The following FBXO40 variants were observed in gnomAD, a reference collection of about 807,000 sequenced individuals.
FBXO40 encodes the protein F-box only protein 40.
FBXO40 carries 50 observed loss-of-function variants against 49.9 expected under a neutral mutation model. The ratio of observed to expected loss-of-function variants is 1.00; its 90% CI spans 0.80 to 1.27. FBXO40 has a LOEUF of 1.27. Among genes scored for constraint, FBXO40 ranks in the 50% most tolerant of loss-of-function variants. FBXO40 has a pLI of 0.00. For missense variants in FBXO40, 895 were observed against 870.1 expected (o/e 1.03, Z -0.36); for synonymous variants, 340 against 320.2 (o/e 1.06, Z -0.66).
In FBXO40 at chr3:121,626,559, G is replaced by A. The variant is rs1336571572; in HGVS notation, c.1915-136G>A. 2.4e-5 allele frequency: 18 copies of A among 756,656 alleles called. No individual in the cohort carries two copies. In the South Asian group the frequency reaches 2.7e-4, roughly 11 times the overall value. The allele number at this position is 756,656 out of a possible 1,614,324, so 46.9% of individuals were successfully genotyped here. A position where few individuals can be genotyped will look rare whatever the true frequency, so the allele number is the denominator to read the frequency against. On this transcript the variant is annotated intron_variant, in intron 3 of 3. Coordinates refer to ENST00000338040, the MANE Select transcript of FBXO40 (RefSeq NM_016298.4). The stretch of plus-strand genomic sequence containing the variant: ...GATGCTGGAGGAGGGGCTACCAAAT[G>A]TCTGCAGGAGCCACTAAACACTCTG...
At position 121,601,462 on chromosome 3, in the gene FBXO40, C is replaced by A. The variant is rs545606554; in HGVS notation, c.-31+7960C>A. On this transcript the variant is annotated intron_variant, in intron 1 of 3. Coordinates refer to ENST00000338040, the MANE Select transcript of FBXO40 (RefSeq NM_016298.4). ...TTAAAGGGACATTTTCAAGTAACTT[C>A]AAGGAGCTGGAGAACAATAAGGCTG... Among the ~76,000 whole-genome samples, 11 of 152,150 alleles carry A rather than the reference C, an allele frequency of 7.2e-5. No homozygotes were observed. In the South Asian group the frequency reaches 2.3e-3, roughly 32 times the overall value.
At chr3:121,623,987 C>CTTTT (rs371355210) in intron 3 of FBXO40, among the ~76,000 whole-genome samples, 4 of 96,034 alleles carry the variant, frequency 4.2e-5, no homozygotes, top group Non-Finnish European at 7.7e-5. Flanking sequence ...TGCACCTGGC[C>CTTTT]TTTTTTTTTT....
intron 1 of FBXO40, among the ~76,000 whole-genome samples, chr3:121,598,124 A>C (rs917718343): frequency 3.9e-5 from 6 of 152,222 alleles, no homozygotes; most frequent in Non-Finnish European, 5.9e-5. Context: ...CTAAGTGGCA[A>C]GAAGGAGTCC....
At chr3:121,614,065 G>A (rs774928655) in intron 1 of FBXO40, among the ~76,000 whole-genome samples, 3 of 152,072 alleles carry the variant, frequency 2.0e-5, no homozygotes, top group Admixed American at 6.5e-5. Flanking sequence ...TCAAGAGATC[G>A]AGACCATTCT....
intron 1 of FBXO40, among the ~76,000 whole-genome samples, chr3:121,614,269 CAAAAAAAAAA>C (rs35824526): frequency 2.6e-5 from 2 of 77,644 alleles, no homozygotes; most frequent in Non-Finnish European, 4.7e-5. Context: ...GACTCTAGCT[CAAAAAAAAAA>C]AAAAAAAAAA....
chr3:121,626,547 G>C, intron 3 of FBXO40, 148 bp from the exon 4 acceptor site: 1 of 706,816 alleles, frequency 1.4e-6, no homozygotes, highest in East Asian at 2.5e-5. Flanking sequence ...GCTGGAGGAG[G>C]GGCTACCAAA....
chr3:121,610,259 T>C (rs2048957631), intron 1 of FBXO40, among the ~76,000 whole-genome samples: 1 of 152,170 alleles, frequency 6.6e-6, no homozygotes, highest in Non-Finnish European at 1.5e-5. Context: ...AGCTGGGCCT[T>C]TGGGAGGTTT....
Position 121,623,331 on chromosome 3 carries a change from A to G in FBXO40, c.1902A>G (p.Arg634=), listed in dbSNP as rs775756963. 19 of 1,612,610 alleles carry G rather than the reference A, an allele frequency of 1.2e-5. No individual in the cohort carries two copies. Among genetic ancestry groups the G allele is most frequent in the Non-Finnish European group, 1.5e-5 (18 of 1,179,270 alleles). The change falls in exon 3 of 4, where the codon AGA becomes AGG. Residue 634 remains arginine, a synonymous_variant. Transcript: ENST00000338040. The stretch of plus-strand genomic sequence containing the variant: ...ATTCCCATGGAGGCACCTCCTGGAG[A>G]GTCCACAGAGAGGTAAGTAAACACT... ...KRYSHGGTSW[R]VHREIWQFSS...
chr3:121,599,810 C>A (rs992283115), intron 1 of FBXO40, among the ~76,000 whole-genome samples: 1 of 145,930 alleles, frequency 6.9e-6, no homozygotes, highest in Non-Finnish European at 1.5e-5. Flanking sequence ...GCAAACTCTG[C>A]CTCCCGGGTT....
At chr3:121,611,942 G>C (rs2048968448) in intron 1 of FBXO40, among the ~76,000 whole-genome samples, 1 of 152,202 alleles carries the variant, frequency 6.6e-6, no homozygotes, top group African/African-American at 2.4e-5. Context: ...GTTTTTGTGA[G>C]CTCCAGGTTG....
intron 1 of FBXO40, among the ~76,000 whole-genome samples, chr3:121,604,986 T>G (rs2048924730): frequency 6.6e-6 from 1 of 151,470 alleles, no homozygotes; most frequent in African/African-American, 2.4e-5. Flanking sequence ...TATTTATTTA[T>G]TTATTTGACA....
At chr3:121,603,065 C>T (rs2048909565) in intron 1 of FBXO40, among the ~76,000 whole-genome samples, 1 of 152,200 alleles carries the variant, frequency 6.6e-6, no homozygotes, top group Non-Finnish European at 1.5e-5. Flanking sequence ...TCACAGACTG[C>T]CATCTTTTAC....
rs762409568 is a variant in FBXO40 at position 121,621,585 on chromosome 3, A to G, written c.156A>G (p.Ala52=). Residue 52 remains alanine (A), a synonymous_variant, in exon 3 of 4, where the codon GCA becomes GCG. Coordinates refer to ENST00000338040, the MANE Select transcript of FBXO40 (RefSeq NM_016298.4). ...CCACCTTCCACATGTGCAAAGAGGC[A>G]GAGCACCAGCTCCTCTGCCCTTTAG... ...CGATFHMCKE[A]EHQLLCPLEQ... is the part of the protein sequence containing the mutation. 3.5e-5 allele frequency: 56 copies of G among 1,614,132 alleles called. No homozygotes were observed. The highest frequency in any genetic ancestry group is 4.4e-5 in the Non-Finnish European group (52 of 1,180,048).
intron 1 of FBXO40, among the ~76,000 whole-genome samples, chr3:121,615,805 T>C (rs2048994588): frequency 6.6e-6 from 1 of 152,152 alleles, no homozygotes; most frequent in Admixed American, 6.5e-5. Context: ...TGGCCATAAA[T>C]ATTCTGTAAT....
Position 121,622,160 on chromosome 3 carries a change from A to G in FBXO40, c.731A>G (p.Asn244Ser), listed in dbSNP as rs765719429. The G allele has an allele frequency of 3.1e-6, 5 of 1,614,166 alleles. No individual in the cohort carries two copies. The highest frequency in any genetic ancestry group is 1.1e-5 in the South Asian group (1 of 91,070). Reference sequence around the variant, plus strand: ...GCGAGCTGTGAGAGCAAGAACAAGAATGACTCCGAGAAAGAACAGATTTCC... The same window carrying G: ...GCGAGCTGTGAGAGCAAGAACAAGAGTGACTCCGAGAAAGAACAGATTTCC... ...SSASCESKNKNDSEKEQISSG... is the reference protein window; with the variant it reads ...SSASCESKNKSDSEKEQISSG... Residue 244 changes from asparagine (N) to serine (S), a missense_variant, in exon 3 of 4, where the codon AAT (asparagine) becomes AGT (serine). By Grantham distance (46) the Asn-to-Ser change is conservative (BLOSUM62 1). Coordinates refer to ENST00000338040, the MANE Select transcript of FBXO40 (RefSeq NM_016298.4).
At chr3:121,621,249 T>C (rs1377430968) in intron 2 of FBXO40, among the ~76,000 whole-genome samples, 184 bp from the exon 3 acceptor site, 1 of 152,214 alleles carries the variant, frequency 6.6e-6, no homozygotes, top group Non-Finnish European at 1.5e-5. Flanking sequence ...TATTGGAAAA[T>C]TCTAAAAAGT....
At chr3:121,604,557 A>C (rs1259471012) in intron 1 of FBXO40, among the ~76,000 whole-genome samples, 1 of 152,158 alleles carries the variant, frequency 6.6e-6, no homozygotes, top group Non-Finnish European at 1.5e-5. Flanking sequence ...TATCTAAAGA[A>C]AGTGTGGGAT....
intron 1 of FBXO40, among the ~76,000 whole-genome samples, chr3:121,601,364 G>A (rs990449656): frequency 2.0e-5 from 3 of 152,006 alleles, no homozygotes; most frequent in South Asian, 2.1e-4. Context: ...GTCACTCATC[G>A]GGTGTAGCTC....
intron 1 of FBXO40, among the ~76,000 whole-genome samples, chr3:121,599,730 T>A (rs1378086071): frequency 7.4e-4 from 76 of 102,958 alleles, no homozygotes; most frequent in African/African-American, 2.2e-3. Flanking sequence ...ATATATTTTT[T>A]TTTTTTTTTG....
Sources: gnomAD v4.1 joint callset for allele counts (sites outside exome capture counted in the v4.1 genomes callset) on GRCh38, gnomAD v4.1.1 for gene constraint, MANE v1.5 for transcripts, NCBI Gene and HGNC (gene_info 2026-07-23, HGNC 2026-07-21) for gene names.